Variants in CNTN4 observed in about 807,000 individuals in gnomAD.
The protein encoded by CNTN4 is contactin 4.
CNTN4 carries 77 observed loss-of-function variants against 122.5 expected under a neutral mutation model. The ratio of observed to expected loss-of-function variants is 0.63; its 90% confidence interval spans 0.52 to 0.76. The LOEUF (loss-of-function observed/expected upper bound fraction) is 0.76, where lower values mean the gene tolerates loss of function less well. Ranked by LOEUF, CNTN4 falls within the 30% of genes least tolerant of loss-of-function variation. The pLI, the probability that CNTN4 is intolerant of heterozygous loss-of-function variation, is 0.00. For synonymous variants in CNTN4, 512 were observed against 447.0 expected (o/e 1.15, Z -1.83); for missense variants, 1,256 against 1,259.1 (o/e 1.00, Z 0.04).
At chr3:2,509,269 G>A (rs958948866) in intron 3 of CNTN4, among the ~76,000 whole-genome samples, 1 of 152,040 alleles carries the variant, frequency 6.6e-6, no homozygotes, top group Non-Finnish European at 1.5e-5. Flanking sequence ...GAGTAGATCT[G>A]CTAAAGTCTC....
In CNTN4 at chr3:2,604,111, A is replaced by G. The variant is rs549198989; in HGVS notation, c.55+32553A>G. ...ATTTCTGTCACATTTCATCTGCCAGAGTAAGACACATAGTCAAAGAAAAAG... is the reference window on the plus strand; with the variant it reads ...ATTTCTGTCACATTTCATCTGCCAGGGTAAGACACATAGTCAAAGAAAAAG... On this transcript the variant is annotated intron_variant, in intron 4 of 24. Transcript: ENST00000418658. Among the ~76,000 whole-genome samples the G allele has an allele frequency of 6.0e-4, 92 of 152,332 alleles. 1 individual carries two copies. The South Asian group carries it at 0.018, about 30-fold the overall frequency.
rs548317695 is a variant in CNTN4 at position 2,151,526 on chromosome 3, A to G, written c.-145+50887A>G. On this transcript the variant is annotated intron_variant, in intron 2 of 24. Transcript: ENST00000418658. Reference sequence around the variant, plus strand: ...AGGTGCTATCCAAGGTGCTTGGGATACGTCAGCCAACATATTTGCAATGTT... The same window carrying G: ...AGGTGCTATCCAAGGTGCTTGGGATGCGTCAGCCAACATATTTGCAATGTT... Among the ~76,000 whole-genome samples, 3 of 152,164 alleles carry G rather than the reference A, an allele frequency of 2.0e-5. No individual in the cohort carries two copies. The East Asian group carries it at 5.8e-4, about 29-fold the overall frequency.
intron 4 of CNTN4, among the ~76,000 whole-genome samples, chr3:2,672,568 A>G (rs2084591024): frequency 6.6e-6 from 1 of 152,176 alleles, no homozygotes; most frequent in African/African-American, 2.4e-5. Context: ...TTCCCGGGTG[A>G]GGCAATGCGT....
intron 3 of CNTN4, among the ~76,000 whole-genome samples, chr3:2,415,004 A>G (rs1258040702): frequency 6.6e-6 from 1 of 152,176 alleles, no homozygotes; most frequent in African/African-American, 2.4e-5. Context: ...TTCCATGTAA[A>G]TCATTATTTC....
intron 3 of CNTN4, among the ~76,000 whole-genome samples, chr3:2,394,523 G>A (rs1372678955): frequency 1.3e-5 from 2 of 152,146 alleles, no homozygotes. Context: ...CATATGGAAT[G>A]CCAATATATA....
At chr3:2,174,986 A>G (rs1330678975) in intron 2 of CNTN4, among the ~76,000 whole-genome samples, 1 of 152,040 alleles carries the variant, frequency 6.6e-6, no homozygotes, top group Non-Finnish European at 1.5e-5. Context: ...CATCTCCAAA[A>G]CTGGAGTTTA....
rs192140899 is a variant in CNTN4, at chr3:2,873,806, C to T, written c.652+6857C>T. Reference sequence around the variant, plus strand: ...TGATCTACAACCCTTTATTGAAGACCTGGCATTTAGACAGGCAACAGGTAG... The same window carrying T: ...TGATCTACAACCCTTTATTGAAGACTTGGCATTTAGACAGGCAACAGGTAG... On this transcript the variant is annotated intron_variant, in intron 8 of 24. Transcript: ENST00000418658. Among the ~76,000 whole-genome samples the T allele has an allele frequency of 2.0e-5, 3 of 152,264 alleles. No homozygotes were observed. In the East Asian group the frequency reaches 5.8e-4, roughly 29 times the overall value.
Position 2,611,305 on chromosome 3 carries a change from A to AG in CNTN4, c.55+39747_55+39748insG, listed in dbSNP as rs1352029839. Among the ~76,000 whole-genome samples, 7 of 148,752 alleles carry AG rather than the reference A, an allele frequency of 4.7e-5. 1 individual carries two copies. Among genetic ancestry groups the AG allele is most frequent in the South Asian group, 2.1e-4 (1 of 4,738 alleles). On this transcript the variant is annotated intron_variant, in intron 4 of 24. Coordinates refer to ENST00000418658, the MANE Select transcript of CNTN4 (RefSeq NM_175607.3). The stretch of plus-strand genomic sequence containing the variant: ...CTCACAGCACCTGGAACCAAAAAAA[A>AG]AAAAAAAGAAAGAAAGAAAGAAACA...
At position 2,827,166 on chromosome 3, in the gene CNTN4, C is replaced by G. The variant is rs2320939; in HGVS notation, c.454+7585C>G. On this transcript the variant is annotated intron_variant, in intron 7 of 24. Coordinates refer to ENST00000418658, the MANE Select transcript of CNTN4 (RefSeq NM_175607.3). ...GCTTTGGACGACTGGTCACTTTCCT[C>G]AGGAAGCAGTCCCTGTACTTCCAGC... Among the ~76,000 whole-genome samples the G allele has an allele frequency of 4.9e-3, 748 of 152,296 alleles. 8 individuals carry two copies. Among genetic ancestry groups the G allele is most frequent in the African/African-American group, 0.017 (695 of 41,558 alleles).
chr3:3,006,276 G>A (rs865782702), intron 14 of CNTN4, among the ~76,000 whole-genome samples: 4 of 152,200 alleles, frequency 2.6e-5, no homozygotes, highest in South Asian at 2.1e-4. Context: ...TAAACTTCAC[G>A]ATCAGAACAC....
At chr3:2,580,098 G>C (rs2079870002) in intron 4 of CNTN4, among the ~76,000 whole-genome samples, 1 of 152,048 alleles carries the variant, frequency 6.6e-6, no homozygotes, top group South Asian at 2.1e-4. Context: ...ATTGTGGGTA[G>C]AGCACTCAGG....
At chr3:2,148,732 C>T (rs535170970) in intron 2 of CNTN4, among the ~76,000 whole-genome samples, 8 of 152,118 alleles carry the variant, frequency 5.3e-5, no homozygotes, top group Admixed American at 1.3e-4. Flanking sequence ...AATGTTAATG[C>T]GTCCCTCCTT....
At chr3:2,167,596 C>G (rs1559304500) in intron 2 of CNTN4, among the ~76,000 whole-genome samples, 1 of 152,014 alleles carries the variant, frequency 6.6e-6, no homozygotes, top group Non-Finnish European at 1.5e-5. Flanking sequence ...CAAAAAAATC[C>G]AAGACAAATG....
At chr3:2,980,412 T>A (rs1255894902) in intron 13 of CNTN4, among the ~76,000 whole-genome samples, 1 of 129,086 alleles carries the variant, frequency 7.7e-6, no homozygotes, top group Admixed American at 7.9e-5. Context: ...ACATTTTCAA[T>A]TCTTTTCATC....
chr3:2,821,167 G>A (rs2092861763), intron 7 of CNTN4, among the ~76,000 whole-genome samples: 1 of 151,904 alleles, frequency 6.6e-6, no homozygotes, highest in Non-Finnish European at 1.5e-5. Context: ...ATGTTGACCA[G>A]GCTGGTCTCA....
intron 13 of CNTN4, among the ~76,000 whole-genome samples, chr3:2,939,566 C>G (rs1228382129): frequency 1.3e-5 from 2 of 152,124 alleles, no homozygotes; most frequent in East Asian, 3.9e-4. Flanking sequence ...CTTCCATGCC[C>G]CTAAAAATGA....
chr3:2,525,873 C>G (rs934694973), intron 3 of CNTN4, among the ~76,000 whole-genome samples: 2 of 152,212 alleles, frequency 1.3e-5, no homozygotes, highest in East Asian at 3.9e-4. Context: ...TGTGCTAGCA[C>G]ACACATGCAC....
At chr3:2,772,217 A>G (rs187872119) in intron 6 of CNTN4, among the ~76,000 whole-genome samples, 5 of 152,252 alleles carry the variant, frequency 3.3e-5, no homozygotes, top group East Asian at 1.9e-4. Flanking sequence ...TCATTTTGGA[A>G]TGGGCATTTA....
At chr3:2,163,897 A>G (rs2036072008) in intron 2 of CNTN4, among the ~76,000 whole-genome samples, 1 of 152,212 alleles carries the variant, frequency 6.6e-6, no homozygotes, top group African/African-American at 2.4e-5. Context: ...ACTGCTGGTG[A>G]GAATGTAAAC....
Sources: gnomAD v4.1 joint callset for allele counts (sites outside exome capture counted in the v4.1 genomes callset) on GRCh38, gnomAD v4.1.1 for gene constraint, MANE v1.5 for transcripts, NCBI Gene and HGNC (gene_info 2026-07-23, HGNC 2026-07-21) for gene names.